Variants in LOC128462377 observed in about 807,000 individuals in gnomAD.
chr16:89,354,372 C>T, the LOC128462377 span, among the ~76,000 whole-genome samples: 23 of 151,944 alleles, frequency 1.5e-4, no homozygotes, highest in African/African-American at 5.6e-4. Flanking sequence ...TAACATTAGA[C>T]AAATACCCAA....
At chr16:89,415,401 A>T in the LOC128462377 span, among the ~76,000 whole-genome samples, 1 of 148,650 alleles carries the variant, frequency 6.7e-6, no homozygotes, top group Non-Finnish European at 1.5e-5. Context: ...AGTAGCTGGG[A>T]CTACAGGCGC....
At chr16:89,398,528 G>A in the LOC128462377 span, among the ~76,000 whole-genome samples, 1 of 152,206 alleles carries the variant, frequency 6.6e-6, no homozygotes, top group Non-Finnish European at 1.5e-5. Flanking sequence ...ACCAGCCTGG[G>A]CAACACAGGG....
At chr16:89,407,309 AAG>A in the LOC128462377 span, among the ~76,000 whole-genome samples, 7 of 152,242 alleles carry the variant, frequency 4.6e-5, no homozygotes, top group South Asian at 1.5e-3. Context: ...CGGGGGGAAA[AAG>A]AAAAAAAAAT....
At chr16:89,322,489 C>T in the LOC128462377 span, among the ~76,000 whole-genome samples, 1 of 152,372 alleles carries the variant, frequency 6.6e-6, no homozygotes, top group African/African-American at 2.4e-5. Context: ...CTCACGCAGG[C>T]ACGTGGCCTC....
At chr16:89,418,285 G>A in the LOC128462377 span, 1 of 453,992 alleles carries the variant, frequency 2.2e-6, no homozygotes, top group South Asian at 1.6e-5. Flanking sequence ...AGTATTTACC[G>A]ATTCCATAGC....
the LOC128462377 span, among the ~76,000 whole-genome samples, chr16:89,377,475 G>A: frequency 2.0e-5 from 3 of 152,172 alleles, no homozygotes; most frequent in East Asian, 1.9e-4. Context: ...CATGTGGGCC[G>A]GGGCAGGAGG....
chr16:89,340,802 T>C, the LOC128462377 span, among the ~76,000 whole-genome samples: 1 of 152,118 alleles, frequency 6.6e-6, no homozygotes, highest in Non-Finnish European at 1.5e-5. Flanking sequence ...ACCCCAGAAA[T>C]CACACAGAAA....
the LOC128462377 span, among the ~76,000 whole-genome samples, chr16:89,390,068 A>G: frequency 1.6e-5 from 1 of 60,998 alleles, no homozygotes. Context: ...TGGGGCGAAC[A>G]CCGAGTGTGG....
the LOC128462377 span, chr16:89,324,433 G>C: frequency 2.1e-6 from 1 of 467,216 alleles, no homozygotes; most frequent in South Asian, 1.5e-5. Context: ...TAAAACCAAG[G>C]TAAGTGTGAG....
chr16:89,417,695 C>T, the LOC128462377 span, among the ~76,000 whole-genome samples: 2 of 152,062 alleles, frequency 1.3e-5, no homozygotes, highest in South Asian at 2.1e-4. Flanking sequence ...CAGGACAGCC[C>T]GGCGAGACCA....
the LOC128462377 span, among the ~76,000 whole-genome samples, chr16:89,337,000 G>A: frequency 1.9e-5 from 2 of 103,802 alleles, no homozygotes; most frequent in African/African-American, 7.5e-5. Flanking sequence ...TGAAACCCTG[G>A]CTCTACCAAA....
the LOC128462377 span, among the ~76,000 whole-genome samples, chr16:89,378,556 T>C: frequency 6.6e-6 from 1 of 152,204 alleles, no homozygotes; most frequent in Non-Finnish European, 1.5e-5. Flanking sequence ...AGGCTACAGA[T>C]ACAGCAGGCT....
the LOC128462377 span, among the ~76,000 whole-genome samples, chr16:89,356,346 GAGA>G: frequency 1.4e-5 from 2 of 147,666 alleles, no homozygotes; most frequent in Admixed American, 6.7e-5. Context: ...CCGCTGAGGT[GAGA>G]AGGATGTGAT....
the LOC128462377 span, among the ~76,000 whole-genome samples, chr16:89,384,625 C>T: frequency 6.6e-6 from 1 of 152,142 alleles, no homozygotes; most frequent in Non-Finnish European, 1.5e-5. Flanking sequence ...AGGAAGGAGC[C>T]TCTGCACTGG....
At chr16:89,396,375 G>A in the LOC128462377 span, among the ~76,000 whole-genome samples, 6 of 152,104 alleles carry the variant, frequency 3.9e-5, 1 homozygote, top group South Asian at 8.3e-4. Context: ...CGACGGAGCC[G>A]CACTCGCCGC....
the LOC128462377 span, among the ~76,000 whole-genome samples, chr16:89,330,517 G>A: frequency 5.3e-5 from 8 of 152,042 alleles, no homozygotes; most frequent in African/African-American, 9.6e-5. Flanking sequence ...TCCCCGTGAC[G>A]TGGCAGCGGG....
chr16:89,331,867 G>A, the LOC128462377 span, among the ~76,000 whole-genome samples: 1 of 151,596 alleles, frequency 6.6e-6, no homozygotes, highest in Admixed American at 6.6e-5. Context: ...GTGTGGACTC[G>A]GGTTTGGTTC....
At chr16:89,350,853 T>C in the LOC128462377 span, among the ~76,000 whole-genome samples, 122 of 152,278 alleles carry the variant, frequency 8.0e-4, no homozygotes, top group African/African-American at 2.8e-3. Context: ...AAGATGCTAA[T>C]GGAGTGGAAC....
chr16:89,367,696 T>C, the LOC128462377 span, among the ~76,000 whole-genome samples: 1 of 151,976 alleles, frequency 6.6e-6, no homozygotes, highest in African/African-American at 2.4e-5. Context: ...CAGCTGCAGG[T>C]TTTTTGCAGA....
Sources: gnomAD v4.1 joint callset for allele counts (sites outside exome capture counted in the v4.1 genomes callset) on GRCh38, gnomAD v4.1.1 for gene constraint, MANE v1.5 for transcripts.